SLC15A1: variants seen among roughly 807,000 people sequenced by gnomAD.
SLC15A1 encodes the protein solute carrier family 15 member 1.
In SLC15A1, 83 loss-of-function variants were observed where a neutral mutation model predicts 92.9. The observed-to-expected ratio is 0.89, with a 90% CI of 0.75 to 1.07. SLC15A1 has a LOEUF of 1.07. Among genes scored for constraint, SLC15A1 ranks in the 50% least tolerant of loss-of-function variants. The pLI is 0.00. For synonymous variants in SLC15A1, 322 were observed against 318.2 expected (o/e 1.01, Z -0.13); for missense variants, 857 against 880.1 (o/e 0.97, Z 0.33).
intron 7 of SLC15A1, chr13:98,721,033 CAG>C (rs1320342160): frequency 2.3e-6 from 1 of 426,818 alleles, no homozygotes; most frequent in African/African-American, 2.0e-5. Context: ...GCGTGGGTGA[CAG>C]AGCAAGACTC....
Position 98,721,230 on chromosome 13 carries a change from G to T in SLC15A1, c.556+265C>A, listed in dbSNP as rs115421186. 1,019 of 610,500 alleles carry T rather than the reference G, an allele frequency of 1.7e-3. 13 individuals carry two copies. Among genetic ancestry groups the T allele is most frequent in the African/African-American group, 0.016 (900 of 54,964 alleles). 37.8% of individuals were successfully genotyped at this position (610,500 alleles called of 1,614,324 possible). A position where few individuals can be genotyped will look rare whatever the true frequency, so the allele number is the denominator to read the frequency against. On this transcript the variant is annotated intron_variant, in intron 7 of 22. Coordinates refer to ENST00000376503, the MANE Select transcript of SLC15A1 (RefSeq NM_005073.4). ...TCTTACCACGAGCATGACTTTGCAT[G>T]AATAACAGTTTAGGAAGATGGATGC...
At position 98,717,856 on chromosome 13, in the gene SLC15A1, G is replaced by A. The variant is rs541176624; in HGVS notation, c.640+1381C>T. Among the ~76,000 whole-genome samples the A allele has an allele frequency of 7.2e-4, 110 of 152,316 alleles. 1 individual carries two copies. The highest frequency in any genetic ancestry group is 2.6e-3 in the African/African-American group (109 of 41,572). On this transcript the variant is annotated intron_variant, in intron 8 of 22. Transcript: ENST00000376503. ...TCATTTGAGTGGGAGAAGGGGCTCTGAAGAGTTGAGGTGGCCGCTGGGCTG... is the reference window on the plus strand; with the variant it reads ...TCATTTGAGTGGGAGAAGGGGCTCTAAAGAGTTGAGGTGGCCGCTGGGCTG...
chr13:98,739,686 C>T (rs1594009657), intron 1 of SLC15A1, among the ~76,000 whole-genome samples: 2 of 152,326 alleles, frequency 1.3e-5, no homozygotes, highest in East Asian at 3.9e-4. Flanking sequence ...GTACAGCCTG[C>T]AGAGCCATAA....
intron 1 of SLC15A1, among the ~76,000 whole-genome samples, chr13:98,743,124 C>G (rs564836979): frequency 6.6e-6 from 1 of 152,288 alleles, no homozygotes; most frequent in East Asian, 1.9e-4. Context: ...TAGGGGCCAC[C>G]CTACCCTGGT....
chr13:98,723,620 AG>A (rs2088276586), intron 5 of SLC15A1, among the ~76,000 whole-genome samples: 1 of 152,192 alleles, frequency 6.6e-6, no homozygotes, highest in Non-Finnish European at 1.5e-5. Context: ...ATATCCCTCC[AG>A]GGTAGGTCAA....
intron 1 of SLC15A1, among the ~76,000 whole-genome samples, chr13:98,731,845 C>T (rs1005840796): frequency 1.3e-5 from 2 of 152,174 alleles, no homozygotes; most frequent in Non-Finnish European, 2.9e-5. Context: ...CATTATACAC[C>T]TAACTAAATT....
chr13:98,687,221 G>T (rs1238331254), intron 21 of SLC15A1, among the ~76,000 whole-genome samples: 1 of 152,116 alleles, frequency 6.6e-6, no homozygotes, highest in African/African-American at 2.4e-5. Context: ...ACATAGACCT[G>T]TAATTGAGCT....
chr13:98,714,013 A>G (rs1360275613), intron 9 of SLC15A1, among the ~76,000 whole-genome samples: 8 of 150,968 alleles, frequency 5.3e-5, no homozygotes, highest in Middle Eastern at 3.4e-3. Flanking sequence ...AGATCGTGCT[A>G]CTACACTCTA....
At chr13:98,736,870 T>C (rs1375847324) in intron 1 of SLC15A1, among the ~76,000 whole-genome samples, 3 of 152,216 alleles carry the variant, frequency 2.0e-5, no homozygotes, top group African/African-American at 7.2e-5. Context: ...TGTGGAGAAA[T>C]AGGAACACTT....
chr13:98,742,242 C>T (rs776770715), intron 1 of SLC15A1, among the ~76,000 whole-genome samples: 5 of 152,210 alleles, frequency 3.3e-5, no homozygotes, highest in Admixed American at 6.5e-5. Context: ...ACCACTCAGC[C>T]GCAGCCTGGC....
At chr13:98,729,619 C>A (rs2088331461) in intron 1 of SLC15A1, among the ~76,000 whole-genome samples, 1 of 152,202 alleles carries the variant, frequency 6.6e-6, no homozygotes, top group Non-Finnish European at 1.5e-5. Context: ...CATGCGGAAG[C>A]CTCCACCACA....
intron 1 of SLC15A1, among the ~76,000 whole-genome samples, chr13:98,734,051 C>T (rs111268677): frequency 0.012 from 1,786 of 152,236 alleles, 21 homozygotes; most frequent in South Asian, 0.033. Context: ...CTGCAACCTC[C>T]GCCTCCCGGG....
Position 98,688,229 on chromosome 13 carries a change from A to G in SLC15A1, c.1683+19T>C, listed in dbSNP as rs1348033187. 1 of 1,521,946 alleles carries G rather than the reference A, an allele frequency of 6.6e-7. No homozygotes were observed. The highest frequency in any genetic ancestry group is 9.1e-7 in the Non-Finnish European group (1 of 1,099,454). The allele number at this position is 1,521,946 out of a possible 1,614,324, so 94.3% of individuals were successfully genotyped here. ...CGAGTATGAGCAGATCTTCTGATACAATGAAACGAGTTACTAACCTTCCTT... is the reference window on the plus strand; with the variant it reads ...CGAGTATGAGCAGATCTTCTGATACGATGAAACGAGTTACTAACCTTCCTT... On this transcript the variant is annotated intron_variant, in intron 20 of 22. Transcript: ENST00000376503.
intron 15 of SLC15A1, among the ~76,000 whole-genome samples, chr13:98,707,189 C>T (rs1416464829): frequency 1.3e-5 from 2 of 151,752 alleles, no homozygotes; most frequent in Non-Finnish European, 2.9e-5. Flanking sequence ...CCAAGAGGAG[C>T]GTGAGTACAG....
chr13:98,706,544 TG>T (rs774934721), intron 15 of SLC15A1, among the ~76,000 whole-genome samples: 4 of 152,244 alleles, frequency 2.6e-5, no homozygotes, highest in Non-Finnish European at 4.4e-5. Context: ...GGGAGATAAC[TG>T]AATCGTGGGG....
chr13:98,752,667 C>A lies in SLC15A1; in HGVS notation c.-69G>T, dbSNP rs538735521. 128 of 1,232,534 alleles carry A rather than the reference C, an allele frequency of 1.0e-4. 1 individual carries two copies. In the South Asian group the frequency reaches 2.9e-3, roughly 28 times the overall value. 76.3% of individuals were successfully genotyped at this position (1,232,534 alleles called of 1,614,324 possible). On this transcript the variant is annotated 5_prime_UTR_variant, in exon 1 of 23. Coordinates refer to ENST00000376503, the MANE Select transcript of SLC15A1 (RefSeq NM_005073.4). Reference sequence around the variant, plus strand: ...CTCCTGGCAGGTGCTACTCCTCCGACCTGACGTCCAGGCCCGGCCCCGTTG... The same window carrying A: ...CTCCTGGCAGGTGCTACTCCTCCGAACTGACGTCCAGGCCCGGCCCCGTTG...
intron 1 of SLC15A1, among the ~76,000 whole-genome samples, chr13:98,740,733 G>A (rs752647992): frequency 5.9e-5 from 9 of 152,136 alleles, no homozygotes; most frequent in Middle Eastern, 3.2e-3. Flanking sequence ...AGCAGCAGTG[G>A]GACCTGCACC....
chr13:98,714,728 G>A (rs562890033), intron 9 of SLC15A1, among the ~76,000 whole-genome samples: 1 of 149,836 alleles, frequency 6.7e-6, no homozygotes, highest in East Asian at 1.9e-4. Context: ...GATAAAGTAA[G>A]TGATCTAAAA....
intron 17 of SLC15A1, among the ~76,000 whole-genome samples, chr13:98,703,176 G>A (rs1434756024): frequency 8.9e-5 from 12 of 134,618 alleles, no homozygotes; most frequent in African/African-American, 3.3e-4. Flanking sequence ...AAGGAAGGAA[G>A]GAAGGGAGGG....
Sources: gnomAD v4.1 joint callset for allele counts (sites outside exome capture counted in the v4.1 genomes callset) on GRCh38, gnomAD v4.1.1 for gene constraint, MANE v1.5 for transcripts, NCBI Gene and HGNC (gene_info 2026-07-23, HGNC 2026-07-21) for gene names.